MTX1: variants seen among roughly 807,000 people sequenced by gnomAD.
The protein encoded by MTX1 is metaxin 1.
MTX1 carries 20 observed loss-of-function variants against 39.4 expected under a neutral mutation model. That is an observed-to-expected ratio of 0.51 (90% CI 0.36 to 0.74). The LOEUF (loss-of-function observed/expected upper bound fraction) is 0.74, where lower values mean the gene tolerates loss of function less well. Among genes scored for constraint, MTX1 ranks in the 30% least tolerant of loss-of-function variants. MTX1 has a pLI of 0.00. For synonymous variants in MTX1, 209 were observed against 198.6 expected, an observed-to-expected ratio of 1.05 and a Z score of -0.44; for missense variants, 481 against 485.9, an observed-to-expected ratio of 0.99 and a Z score of 0.10.
chr1:155,209,146 AG>A lies in MTX1; in HGVS notation c.344del (p.Gly115AlafsTer3). 5 of 1,527,098 alleles carry A rather than the reference AG, an allele frequency of 3.3e-6. No individual in the cohort carries two copies. The highest frequency in any genetic ancestry group is 4.4e-6 in the Non-Finnish European group (5 of 1,133,988). The allele number at this position is 1,527,098 out of a possible 1,614,324, so 94.6% of individuals were successfully genotyped here. ...GCCTCGCCTCCCCGGGGATCTCCCC[AG>A]GCCCCCTGACCGCAACGATCGGAGG... is the stretch of plus-strand genomic sequence containing the variant. ...RSLASPGISPGPLTATIGGAV... is the reference protein window; with the variant it reads ...RSLASPGISPXPLTATIGGAV... On this transcript the variant is annotated frameshift_variant, in exon 1 of 8. Transcript: ENST00000368376. LOFTEE classifies it high-confidence loss of function.
rs1454025467 is a variant in MTX1, at chr1:155,213,356, C to T, written c.1151C>T (p.Thr384Ile). Residue 384 changes from threonine to isoleucine, a missense_variant, in exon 7 of 8, where the codon ACC (threonine) becomes ATC (isoleucine). Physicochemically the swap from Thr to Ile is moderately conservative, Grantham distance 89. Coordinates refer to ENST00000368376, the MANE Select transcript of MTX1 (RefSeq NM_002455.5). ...CTGCACAACCTCTGTGCCTATTGTA[C>T]CCACATTCTCAGTCTCTACTTCCCC... ...RGLHNLCAYC[T>I]HILSLYFPWD... 9.5e-6 allele frequency: 4 copies of T among 422,934 alleles called. No homozygotes were observed. The highest frequency in any genetic ancestry group is 1.6e-5 in the Non-Finnish European group (4 of 251,058). The allele number at this position is 422,934 out of a possible 1,614,324, so 26.2% of individuals were successfully genotyped here. A position where few individuals can be genotyped will look rare whatever the true frequency, so the allele number is the denominator to read the frequency against.
chr1:155,210,330 G>C lies in MTX1; in HGVS notation c.529-16G>C. The stretch of plus-strand genomic sequence containing the variant: ...ACATGGCTCTGCCTCTCTGACTTCT[G>C]CTTCCTTCCCTGCAGACCTATGCCA... On this transcript the variant is annotated splice_polypyrimidine_tract_variant and intron_variant, in intron 1 of 7. Transcript: ENST00000368376. 6.2e-7 allele frequency: 1 copy of C among 1,612,828 alleles called. No homozygotes were observed. The highest frequency in any genetic ancestry group is 8.5e-7 in the Non-Finnish European group (1 of 1,178,906).
chr1:155,212,041 G>A (rs918794116), intron 3 of MTX1, 86 bp from the exon 4 acceptor site: 88 of 1,213,090 alleles, frequency 7.3e-5, no homozygotes, highest in South Asian at 2.9e-5. Context: ...AGGCCAGTGA[G>A]GGGGGTACCA....
intron 1 of MTX1, among the ~76,000 whole-genome samples, chr1:155,209,768 C>A (rs1051354102): frequency 6.6e-6 from 1 of 152,164 alleles, no homozygotes; most frequent in African/African-American, 2.4e-5. Context: ...TTAGACCAAA[C>A]GACTCACAGC....
chr1:155,212,468 C>G lies in MTX1; in HGVS notation c.855C>G (p.Asn285Lys). ...WYAEAMPFPL[N>K]FFLPGRMQRQ... ...CAGAGGCTATGCCCTTTCCCCTCAA[C>G]TTCTTCCTGCCTGGCCGCATGCAGC... The change falls in exon 5 of 8, where the codon AAC (asparagine) becomes AAG (lysine). Residue 285 changes from asparagine to lysine, a missense_variant. Transcript: ENST00000368376. The G allele has an allele frequency of 1.2e-6, 2 of 1,614,076 alleles. No homozygotes were observed. The highest frequency in any genetic ancestry group is 1.7e-4 in the Middle Eastern group (1 of 6,058).
intron 1 of MTX1, among the ~76,000 whole-genome samples, chr1:155,209,596 C>T (rs1177494100): frequency 1.3e-5 from 2 of 152,198 alleles, no homozygotes; most frequent in Non-Finnish European, 2.9e-5. Context: ...GCTGTGTGAC[C>T]TTGCGGAGAT....
At position 155,209,286 on chromosome 1, in the gene MTX1, G is replaced by A. The variant is rs568110395; in HGVS notation, c.482G>A (p.Gly161Glu). Residue 161 changes from glycine to glutamate, a missense_variant, in exon 1 of 8, where the codon GGG (glycine) becomes GAG (glutamate). This residue lies in a region of MTX1 where 368 missense variants were observed against 332.8 expected (regional missense o/e 1.11). Transcript: ENST00000368376. ...CCCATGGAGCTGTTCTGCTGGTCAG[G>A]GGGCTGGGGGCTGCCGTCAGTGGAC... ...AAPMELFCWS[G>E]GWGLPSVDLD... 3 of 1,440,712 alleles carry A rather than the reference G, an allele frequency of 2.1e-6. No homozygotes were observed. The highest frequency in any genetic ancestry group is 2.7e-6 in the Non-Finnish European group (3 of 1,096,404). 89.2% of individuals were successfully genotyped at this position (1,440,712 alleles called of 1,614,324 possible).
At chr1:155,212,296 C>G (rs1671156668) in intron 4 of MTX1, 77 bp downstream of exon 4, 1 of 1,596,210 alleles carries the variant, frequency 6.3e-7, no homozygotes, top group Non-Finnish European at 8.6e-7. Flanking sequence ...CACACAGGCT[C>G]AGGAAAGCAT....
rs61738875 is a variant in MTX1 at position 155,212,198 on chromosome 1, G to A, written c.750G>A (p.Glu250=). The A allele has an allele frequency of 0.039, 62,179 of 1,612,138 alleles. 1,375 individuals carry two copies. Among genetic ancestry groups the A allele is most frequent in the Non-Finnish European group, 0.042 (49,607 of 1,178,874 alleles). Residue 250 remains glutamate (E), a synonymous_variant, in exon 4 of 8, where the codon GAG becomes GAA. Transcript: ENST00000368376. The part of the protein sequence containing the change: ...ADTLAFMSLL[E]EKLLPVLVHT... ...CCCTGGCCTTCATGTCTCTCCTGGA[G>A]GAGAAGTTGCTCCCGGTGCTGGTGA...
chr1:155,211,901 G>C, intron 3 of MTX1: 2 of 400,670 alleles, frequency 5.0e-6, no homozygotes, highest in Non-Finnish European at 8.9e-6. Context: ...CCCTGCATTG[G>C]GCGCTGGACC....
chr1:155,208,697 C>G lies in MTX1; in HGVS notation c.-108C>G. ...GCGAGCCTCTCTTCCCCTCCCCCAC[C>G]CAAGCCCCAGCCCGGCCTCCGCTCC... On this transcript the variant is annotated 5_prime_UTR_variant, in exon 1 of 8. Coordinates refer to ENST00000368376, the MANE Select transcript of MTX1 (RefSeq NM_002455.5). 1 of 1,212,926 alleles carries G rather than the reference C, an allele frequency of 8.2e-7. No homozygotes were observed. Among genetic ancestry groups the G allele is most frequent in the Non-Finnish European group, 1.1e-6 (1 of 904,898 alleles). The allele number at this position is 1,212,926 out of a possible 1,614,324, so 75.1% of individuals were successfully genotyped here. A position where few individuals can be genotyped will look rare whatever the true frequency, so the allele number is the denominator to read the frequency against.
chr1:155,209,178 T>G lies in MTX1; in HGVS notation c.374T>G (p.Val125Gly), dbSNP rs949511322. The change falls in exon 1 of 8, where the codon GTG becomes GGG. Residue 125 changes from valine to glycine, a missense_variant. Transcript: ENST00000368376. ...CTGACCGCAACGATCGGAGGGGCGGTGGCGGGGGGCGGGCCCAGGCAGGGG... is the reference window on the plus strand; with the variant it reads ...CTGACCGCAACGATCGGAGGGGCGGGGGCGGGGGGCGGGCCCAGGCAGGGG... ...GPLTATIGGA[V>G]AGGGPRQGRA... is the part of the protein sequence containing the mutation. The G allele has an allele frequency of 1.3e-5, 20 of 1,482,388 alleles. No homozygotes were observed. The highest frequency in any genetic ancestry group is 2.9e-5 in the African/African-American group (2 of 69,948). The allele number at this position is 1,482,388 out of a possible 1,614,324, so 91.8% of individuals were successfully genotyped here.
chr1:155,212,730 T>G lies in MTX1; in HGVS notation c.991T>G (p.Ser331Ala). The change falls in exon 6 of 8, where the codon TCT becomes GCT. Residue 331 changes from serine (S) to alanine (A), a missense_variant. Coordinates refer to ENST00000368376, the MANE Select transcript of MTX1 (RefSeq NM_002455.5). ...REARECLTLLSQRLGSQKFFF... is the reference protein window; with the variant it reads ...REARECLTLLAQRLGSQKFFF... ...GGCTCGGGAGTGTCTGACCCTGCTC[T>G]CTCAGCGCCTGGGCTCTCAAAAGTT... The G allele has an allele frequency of 2.5e-6, 4 of 1,600,304 alleles. No individual in the cohort carries two copies. The highest frequency in any genetic ancestry group is 3.4e-6 in the Non-Finnish European group (4 of 1,173,508).
chr1:155,210,286 C>G, intron 1 of MTX1, 60 bp from the exon 2 acceptor site: 1 of 1,420,114 alleles, frequency 7.0e-7, no homozygotes, highest in Non-Finnish European at 9.9e-7. Flanking sequence ...TATTTCTCTT[C>G]TTGATACCAC....
Position 155,210,333 on chromosome 1 carries a change from TC to T in MTX1, c.529-11del, listed in dbSNP as rs1402336725. 3.1e-6 allele frequency: 5 copies of T among 1,613,112 alleles called. No homozygotes were observed. In the African/African-American group the frequency reaches 6.7e-5, roughly 22 times the overall value. Reference sequence around the variant, plus strand: ...TGGCTCTGCCTCTCTGACTTCTGCTTCCTTCCCTGCAGACCTATGCCAGATT... The same window carrying T: ...TGGCTCTGCCTCTCTGACTTCTGCTTCTTCCCTGCAGACCTATGCCAGATT... On this transcript the variant is annotated splice_polypyrimidine_tract_variant and intron_variant, in intron 1 of 7. Transcript: ENST00000368376.
At chr1:155,211,167 T>C (rs1671120180) in intron 3 of MTX1, 1 of 154,524 alleles carries the variant, frequency 6.5e-6, no homozygotes, top group Non-Finnish European at 1.4e-5. Context: ...CTTCTAGCAT[T>C]GACGGTCAGG....
intron 1 of MTX1, among the ~76,000 whole-genome samples, chr1:155,210,008 T>TAGG (rs1671047325): frequency 6.6e-6 from 1 of 152,198 alleles, no homozygotes; most frequent in African/African-American, 2.4e-5. Flanking sequence ...CCACAGATAC[T>TAGG]GCCAAAGAGA....
At chr1:155,209,440 G>A in intron 1 of MTX1, 108 bp downstream of exon 1, 2 of 1,216,504 alleles carry the variant, frequency 1.6e-6, no homozygotes, top group Non-Finnish European at 2.1e-6. Context: ...GGCGCAGTGG[G>A]GGAAACTGAG....
chr1:155,209,671 C>T (rs1671021634), intron 1 of MTX1, among the ~76,000 whole-genome samples: 1 of 152,124 alleles, frequency 6.6e-6, no homozygotes, highest in African/African-American at 2.4e-5. Flanking sequence ...TCTCAGGGAC[C>T]TACTCTAGCT....
Sources: allele counts gnomAD v4.1 joint callset (sites outside exome capture counted in the v4.1 genomes callset), GRCh38; gene constraint gnomAD v4.1.1; regional missense constraint gnomAD v4.1.1; transcripts MANE v1.5; gene names NCBI Gene and HGNC (gene_info 2026-07-23, HGNC 2026-07-21).